CELSR1: variants seen among roughly 807,000 people sequenced by gnomAD.
CELSR1 encodes adhesion G protein-coupled receptor C1.
In CELSR1, 110 loss-of-function variants were observed where a neutral mutation model predicts 249.1. The observed-to-expected ratio is 0.44, with a 90% CI of 0.38 to 0.52. CELSR1 has a LOEUF of 0.52. CELSR1 is among the 20% of genes least tolerant of loss of function. The pLI, the probability that CELSR1 is intolerant of heterozygous loss-of-function variation, is 0.00. For synonymous variants in CELSR1, 2,113 were observed against 1,900.0 expected, an observed-to-expected ratio of 1.11 and a Z score of -2.92; for missense variants, 4,109 against 4,296.4, an observed-to-expected ratio of 0.96 and a Z score of 1.22.
intron 29 of CELSR1, among the ~76,000 whole-genome samples, 167 bp from the exon 30 acceptor site, chr22:46,366,647 G>C (rs562394666): frequency 6.6e-6 from 1 of 152,158 alleles, no homozygotes; most frequent in East Asian, 1.9e-4. Context: ...CACTGCAAAC[G>C]AGAGCCTCCT....
At chr22:46,379,111 G>A (rs893927174) in intron 22 of CELSR1, among the ~76,000 whole-genome samples, 1 of 152,190 alleles carries the variant, frequency 6.6e-6, no homozygotes, top group African/African-American at 2.4e-5. Flanking sequence ...ACCACTGCCC[G>A]GGGTTCACAC....
At chr22:46,501,195 G>T (rs569054611) in intron 1 of CELSR1, among the ~76,000 whole-genome samples, 28 of 128,972 alleles carry the variant, frequency 2.2e-4, no homozygotes, top group African/African-American at 6.7e-4. Flanking sequence ...ATCATGCCCG[G>T]CTAATTTTTT....
intron 27 of CELSR1, among the ~76,000 whole-genome samples, chr22:46,368,887 C>T (rs941139300): frequency 2.0e-5 from 3 of 152,238 alleles, no homozygotes; most frequent in African/African-American, 7.2e-5. Flanking sequence ...CTGGGGATTC[C>T]AGACAGCCCA....
Position 46,397,845 on chromosome 22 carries a change from C to T in CELSR1, c.5530G>A (p.Val1844Met). 1 of 1,560,262 alleles carries T rather than the reference C, an allele frequency of 6.4e-7. No individual in the cohort carries two copies. The highest frequency in any genetic ancestry group is 2.3e-5 in the East Asian group (1 of 42,866). ...TTGGTGGGCGTCCCCCCCATCCTCA[C>T]TCCCTGCATTAAGTAAACGGCACTG... ...RRGFRGCMQG[V>M]RMGGTPTNVA... The change falls in exon 12 of 35, where the codon GTG becomes ATG. Residue 1844 changes from valine (V) to methionine (M), a missense_variant. Physicochemically the swap from Val to Met is conservative, Grantham distance 21. Transcript: ENST00000674500.
rs542333459 is a variant in CELSR1, at chr22:46,490,967, C to T, written c.3545-26622G>A. Among the ~76,000 whole-genome samples, 3 of 152,122 alleles carry T rather than the reference C, an allele frequency of 2.0e-5. 1 individual carries two copies. Among genetic ancestry groups the T allele is most frequent in the South Asian group, 4.1e-4 (2 of 4,828 alleles). The stretch of plus-strand genomic sequence containing the variant: ...TGAGGGCTGCCTCTGCACCCACAGG[C>T]GGGGGATTTTGTTCCCCTACAAGTT... On this transcript the variant is annotated intron_variant, in intron 1 of 34. Transcript: ENST00000674500. The surrounding 1 kb of genome is among the most constrained non-coding windows in gnomAD (Gnocchi z 5.2).
chr22:46,376,538 CT>C (rs2147202771), intron 24 of CELSR1, among the ~76,000 whole-genome samples: 1 of 152,242 alleles, frequency 6.6e-6, no homozygotes, highest in Admixed American at 6.5e-5. Context: ...CCACGCCCAG[CT>C]AATTTTTGTA....
In CELSR1 at chr22:46,401,691, G is replaced by A. The variant is rs1433298574; in HGVS notation, c.5227-1789C>T. On this transcript the variant is annotated intron_variant, in intron 9 of 34. Coordinates refer to ENST00000674500, the MANE Select transcript of CELSR1 (RefSeq NM_001378328.1). This position sits in a 1 kb window ranked among gnomAD's most constrained non-coding sequence, Gnocchi z 4.7. ...ATGGGGCTGGAGGATTAAAAACTGG[G>A]GTTCATGGACTGCCAAGGGTTGTTC... 1.3e-5 allele frequency among the ~76,000 whole-genome samples: 2 copies of A among 152,180 alleles called. No individual in the cohort carries two copies. The highest frequency in any genetic ancestry group is 2.9e-5 in the Non-Finnish European group (2 of 68,040).
rs1335782195 is a variant in CELSR1, at chr22:46,518,757, T to C, written c.3544+14870A>G. Among the ~76,000 whole-genome samples the C allele has an allele frequency of 6.6e-6, 1 of 152,122 alleles. No individual in the cohort carries two copies. Among genetic ancestry groups the C allele is most frequent in the Non-Finnish European group, 1.5e-5 (1 of 68,020 alleles). The stretch of plus-strand genomic sequence containing the variant: ...CTCTTATAAAGACTCCAGTTGTGGC[T>C]GGGCGCGGTGGCTCGCCTGTAATCC... On this transcript the variant is annotated intron_variant, in intron 1 of 34. Transcript: ENST00000674500. This position sits in a 1 kb window ranked among gnomAD's most constrained non-coding sequence, Gnocchi z 5.2.
chr22:46,363,829 C>G lies in CELSR1; in HGVS notation c.9035+167G>C. 1 of 891,568 alleles carries G rather than the reference C, an allele frequency of 1.1e-6. No individual in the cohort carries two copies. Among genetic ancestry groups the G allele is most frequent in the East Asian group, 2.7e-5 (1 of 36,572 alleles). 55.2% of individuals were successfully genotyped at this position (891,568 alleles called of 1,614,324 possible). A position where few individuals can be genotyped will look rare whatever the true frequency, so the allele number is the denominator to read the frequency against. On this transcript the variant is annotated intron_variant, in intron 34 of 34. Transcript: ENST00000674500. This position sits in a 1 kb window ranked among gnomAD's most constrained non-coding sequence, Gnocchi z 4.3. The stretch of plus-strand genomic sequence containing the variant: ...GCCCATCTCCGGGGTATCCTCCTGA[C>G]CTCAGCTGCAGCGCCTCCCCCCTCC...
Position 46,441,628 on chromosome 22 carries a change from A to G in CELSR1, c.4184-2217T>C, listed in dbSNP as rs73890429. 0.044 allele frequency among the ~76,000 whole-genome samples: 6,725 copies of G among 152,128 alleles called. 501 individuals carry two copies. The highest frequency in any genetic ancestry group is 0.15 in the African/African-American group (6,347 of 41,438). On this transcript the variant is annotated intron_variant, in intron 2 of 34. Transcript: ENST00000674500. This position sits in a 1 kb window ranked among gnomAD's most constrained non-coding sequence, Gnocchi z 6.1. ...CTAGCAGACGGTGCCTTCTTGCCGCATAAGGGAGAGGGCTGTGGTCTCTTC... is the reference window on the plus strand; with the variant it reads ...CTAGCAGACGGTGCCTTCTTGCCGCGTAAGGGAGAGGGCTGTGGTCTCTTC...
At chr22:46,498,338 G>A (rs1195157395) in intron 1 of CELSR1, among the ~76,000 whole-genome samples, 13 of 146,676 alleles carry the variant, frequency 8.9e-5, no homozygotes, top group Admixed American at 1.4e-4. Context: ...GATCAGCCAC[G>A]GTGGCTCACG....
At chr22:46,459,688 A>G (rs1388843852) in intron 2 of CELSR1, among the ~76,000 whole-genome samples, 2 of 151,392 alleles carry the variant, frequency 1.3e-5, no homozygotes, top group South Asian at 2.1e-4. Context: ...CAGCACCCCC[A>G]CCCCCAGCTG....
Position 46,391,672 on chromosome 22 carries a change from C to G in CELSR1, c.6109G>C (p.Asp2037His). The G allele has an allele frequency of 6.2e-7, 1 of 1,607,964 alleles. No individual in the cohort carries two copies. Among genetic ancestry groups the G allele is most frequent in the Non-Finnish European group, 8.5e-7 (1 of 1,178,712 alleles). Residue 2037 changes from aspartate (D) to histidine (H), a missense_variant, in exon 15 of 35, where the codon GAC becomes CAC. Asp to His is a moderately conservative substitution (Grantham distance 81). Transcript: ENST00000674500. This position sits in a 1 kb window ranked among gnomAD's most constrained non-coding sequence, Gnocchi z 4.3. ...GTGGTGACCTCGGCAAACGGGTTGT[C>G]GCAGCGGTTGCACTGGCGGCCGATG... is the stretch of plus-strand genomic sequence containing the variant. ...GVIGRQCNRC[D>H]NPFAEVTTLG... is the part of the protein sequence containing the mutation.
chr22:46,456,035 G>A (rs921384170), intron 2 of CELSR1, among the ~76,000 whole-genome samples: 32 of 152,288 alleles, frequency 2.1e-4, no homozygotes, highest in Admixed American at 7.2e-4. Context: ...TGAAAAGCAC[G>A]TTTTCCCAAG....
At chr22:46,367,145 C>T in intron 28 of CELSR1, 27 bp from the exon 29 acceptor site, 1 of 1,603,380 alleles carries the variant, frequency 6.2e-7, no homozygotes, top group Non-Finnish European at 8.5e-7. Context: ...GGGGTCAGCA[C>T]CTGCTGCTGC....
rs1307869505 is a variant in CELSR1 at position 46,534,750 on chromosome 22, G to A, written c.2421C>T (p.Ser807=). ...CATCGTTGGCACTGAGGGTAGCAATGGAGGTGCCCACAGGCCTGTCCTCAC... is the reference window on the plus strand; with the variant it reads ...CATCGTTGGCACTGAGGGTAGCAATAGAGGTGCCCACAGGCCTGTCCTCAC... ...SVSEDRPVGT[S]IATLSANDED... Residue 807 remains serine, a synonymous_variant, in exon 1 of 35, where the codon TCC becomes TCT. Transcript: ENST00000674500. The surrounding 1 kb of genome is among the most constrained non-coding windows in gnomAD (Gnocchi z 9.7). The A allele has an allele frequency of 6.2e-6, 10 of 1,613,082 alleles. No individual in the cohort carries two copies. Among genetic ancestry groups the A allele is most frequent in the Admixed American group, 1.7e-5 (1 of 60,030 alleles).
chr22:46,521,923 A>G (rs377246965), intron 1 of CELSR1, among the ~76,000 whole-genome samples: 4 of 152,372 alleles, frequency 2.6e-5, no homozygotes, highest in East Asian at 3.9e-4. Flanking sequence ...CGGAACCTCC[A>G]TACTGTGTTC....
intron 25 of CELSR1, chr22:46,370,010 G>A (rs1189726560): frequency 1.5e-6 from 1 of 652,180 alleles, no homozygotes. Context: ...CCAGGTGGCA[G>A]GAGCTGCTCC....
chr22:46,494,696 C>G (rs566439006), intron 1 of CELSR1, among the ~76,000 whole-genome samples: 1 of 151,814 alleles, frequency 6.6e-6, no homozygotes, highest in Non-Finnish European at 1.5e-5. Context: ...TAGTAGAGAC[C>G]GAGGTTTCAC....
Sources: gnomAD v4.1 joint callset for allele counts (sites outside exome capture counted in the v4.1 genomes callset) on GRCh38, gnomAD v4.1.1 for gene constraint, Gnocchi (gnomAD v3.1) non-coding constraint, MANE v1.5 for transcripts, NCBI Gene and HGNC (gene_info 2026-07-23, HGNC 2026-07-21) for gene names.